PPFIA2: variants seen among roughly 807,000 people sequenced by gnomAD.
PPFIA2 encodes the protein PPFI scaffold protein A2.
A neutral mutation model predicts 175.5 loss-of-function variants in PPFIA2; 46 were observed. The ratio of observed to expected loss-of-function variants is 0.26; its 90% CI spans 0.21 to 0.34. The LOEUF is 0.34. PPFIA2 is among the 10% of genes least tolerant of loss of function. The pLI, the probability that PPFIA2 is intolerant of heterozygous loss-of-function variation, is 1.00. For missense variants in PPFIA2, 1,179 were observed against 1,506.1 expected (o/e 0.78, Z 3.60); for synonymous variants, 568 against 511.4 (o/e 1.11, Z -1.49).
intron 7 of PPFIA2, among the ~76,000 whole-genome samples, chr12:81,411,547 G>A (rs779047936): frequency 6.6e-6 from 1 of 151,968 alleles, no homozygotes; most frequent in Non-Finnish European, 1.5e-5. Flanking sequence ...TAGTCTTGGC[G>A]GCTGGGCCTC....
chr12:81,635,666 G>A (rs1012316854), intron 4 of PPFIA2, among the ~76,000 whole-genome samples: 5 of 152,120 alleles, frequency 3.3e-5, no homozygotes, highest in Non-Finnish European at 1.5e-5. Context: ...GCTGTTAGCT[G>A]GAACAGCACC....
intron 11 of PPFIA2, among the ~76,000 whole-genome samples, chr12:81,371,254 T>A (rs1375589499): frequency 6.5e-5 from 9 of 137,926 alleles, no homozygotes; most frequent in South Asian, 2.1e-4. Flanking sequence ...CATAATTTTT[T>A]AAATAATATT....
At chr12:81,283,086 TA>T (rs779759379) in intron 25 of PPFIA2, 47 bp from the exon 26 acceptor site, 1 of 1,582,200 alleles carries the variant, frequency 6.3e-7, no homozygotes, top group Non-Finnish European at 8.7e-7. Flanking sequence ...AAATATAAAT[TA>T]ATTTCAAATC....
chr12:81,667,857 T>C (rs2070648987), intron 4 of PPFIA2, among the ~76,000 whole-genome samples: 1 of 152,090 alleles, frequency 6.6e-6, no homozygotes, highest in Non-Finnish European at 1.5e-5. Flanking sequence ...CTTGAACTAC[T>C]AGAAAAGAGG....
Position 81,539,570 on chromosome 12 carries a change from G to A in PPFIA2, c.304-81704C>T, listed in dbSNP as rs577698286. Among the ~76,000 whole-genome samples, 419 of 152,014 alleles carry A rather than the reference G, an allele frequency of 2.8e-3. 1 individual carries two copies. Among genetic ancestry groups the A allele is most frequent in the Middle Eastern group, 0.01 (3 of 294 alleles). On this transcript the variant is annotated intron_variant, in intron 4 of 32. Coordinates refer to ENST00000549396, the MANE Select transcript of PPFIA2 (RefSeq NM_003625.5). Reference sequence around the variant, plus strand: ...CCACCCATGCCATAACGAATCAGTGGGGCCCAGCAATTTGTGTTTTAGTAA... The same window carrying A: ...CCACCCATGCCATAACGAATCAGTGAGGCCCAGCAATTTGTGTTTTAGTAA...
chr12:81,323,302 T>C (rs1212359610), intron 22 of PPFIA2, among the ~76,000 whole-genome samples: 1 of 152,118 alleles, frequency 6.6e-6, no homozygotes, highest in Non-Finnish European at 1.5e-5. Flanking sequence ...CTCTGTTAAG[T>C]ACTAAGTCTT....
chr12:81,345,760 T>C (rs905583341), intron 18 of PPFIA2, among the ~76,000 whole-genome samples: 5 of 152,166 alleles, frequency 3.3e-5, no homozygotes, highest in African/African-American at 1.2e-4. Flanking sequence ...TAGCATATCT[T>C]ATATAGGCAG....
At chr12:81,348,629 G>T (rs1962123) in intron 17 of PPFIA2, among the ~76,000 whole-genome samples, 54,500 of 151,756 alleles carry the variant, frequency 0.36, 10,664 homozygotes, top group East Asian at 0.54. Flanking sequence ...CCAGCTACTC[G>T]GGAGGCTGAA....
chr12:81,322,694 G>C (rs2139667880), intron 22 of PPFIA2, among the ~76,000 whole-genome samples: 1 of 152,234 alleles, frequency 6.6e-6, no homozygotes, highest in South Asian at 2.1e-4. Flanking sequence ...AGGCAAACTA[G>C]GCAGAGCAAC....
At chr12:81,343,602 C>G (rs916592081) in intron 19 of PPFIA2, among the ~76,000 whole-genome samples, 2 of 151,876 alleles carry the variant, frequency 1.3e-5, no homozygotes, top group Non-Finnish European at 2.9e-5. Flanking sequence ...TACCACATCT[C>G]GAAGATGCTG....
At chr12:81,609,929 T>C (rs2060718712) in intron 4 of PPFIA2, among the ~76,000 whole-genome samples, 1 of 152,172 alleles carries the variant, frequency 6.6e-6, no homozygotes, top group African/African-American at 2.4e-5. Context: ...TGATTCTAAG[T>C]TTAGCACTCC....
intron 21 of PPFIA2, among the ~76,000 whole-genome samples, chr12:81,333,483 T>C (rs2056523589): frequency 6.6e-6 from 1 of 152,186 alleles, no homozygotes; most frequent in South Asian, 2.1e-4. Flanking sequence ...AAAAGTACAG[T>C]AACCAGGATG....
At chr12:81,546,154 C>G (rs1055880381) in intron 4 of PPFIA2, 1 of 151,620 alleles carries the variant, frequency 6.6e-6, no homozygotes, top group Admixed American at 6.6e-5. Flanking sequence ...AAAATTCATC[C>G]GAGAAAGAGG....
At chr12:81,757,175 A>G (rs979971693) in intron 2 of PPFIA2, among the ~76,000 whole-genome samples, 44 of 152,332 alleles carry the variant, frequency 2.9e-4, no homozygotes, top group African/African-American at 1.0e-3. Flanking sequence ...TATATTCAAT[A>G]TAAGAGTTAA....
chr12:81,522,012 A>G (rs2063215770), intron 4 of PPFIA2, among the ~76,000 whole-genome samples: 1 of 152,250 alleles, frequency 6.6e-6, no homozygotes, highest in Non-Finnish European at 1.5e-5. Context: ...ACCTATTGGA[A>G]TAAAGATGAA....
intron 4 of PPFIA2, among the ~76,000 whole-genome samples, chr12:81,593,120 C>A (rs2058863201): frequency 6.6e-6 from 1 of 152,030 alleles, no homozygotes; most frequent in Admixed American, 6.6e-5. Context: ...TATCAGTCTC[C>A]TATTTCAGGT....
intron 11 of PPFIA2, among the ~76,000 whole-genome samples, chr12:81,371,894 T>C (rs1449189738): frequency 6.8e-6 from 1 of 146,978 alleles, no homozygotes. Context: ...GCTTTGCCTA[T>C]ACACACACAC....
intron 4 of PPFIA2, among the ~76,000 whole-genome samples, chr12:81,608,573 G>T (rs781537333): frequency 2.0e-5 from 3 of 151,876 alleles, no homozygotes; most frequent in Admixed American, 6.6e-5. Context: ...TTTAAAATTT[G>T]TGTGCATAGA....
chr12:81,751,074 T>C (rs2083700085), intron 3 of PPFIA2, among the ~76,000 whole-genome samples: 1 of 152,098 alleles, frequency 6.6e-6, no homozygotes, highest in Non-Finnish European at 1.5e-5. Context: ...AATATTCCTC[T>C]ATTACTTATA....
Sources: allele counts gnomAD v4.1 joint callset (sites outside exome capture counted in the v4.1 genomes callset), GRCh38; gene constraint gnomAD v4.1.1; transcripts MANE v1.5; gene names NCBI Gene and HGNC (gene_info 2026-07-23, HGNC 2026-07-21).